Variants in SLC30A7 observed in about 807,000 individuals in gnomAD.
SLC30A7 encodes the protein solute carrier family 30 member 7.
In SLC30A7, 35 loss-of-function variants were observed where a neutral mutation model predicts 46.0. The ratio of observed to expected loss-of-function variants is 0.76; its 90% CI spans 0.58 to 1.01. The LOEUF is 1.01. SLC30A7 is among the 50% of genes least tolerant of loss of function. The pLI is 0.00. For synonymous variants in SLC30A7, 147 were observed against 157.8 expected, an observed-to-expected ratio of 0.93 and a Z score of 0.51; for missense variants, 464 against 451.1, an observed-to-expected ratio of 1.03 and a Z score of -0.26.
At chr1:100,966,003 A>G (rs1425931009) in intron 10 of SLC30A7, 85 bp downstream of exon 10, 4 of 1,210,246 alleles carry the variant, frequency 3.3e-6, no homozygotes, top group Admixed American at 2.3e-5. Flanking sequence ...GGCCAATGTG[A>G]GAGGATGGCT....
rs1656724553 is a variant in SLC30A7 at position 100,978,775 on chromosome 1, A to G, written c.*3918A>G. On this transcript the variant is annotated 3_prime_UTR_variant, in exon 11 of 11. Coordinates refer to ENST00000357650, the MANE Select transcript of SLC30A7 (RefSeq NM_133496.5). ...TTTATTGTCTCATTTTTCGTATATAATTATTTCCATCATATTCTTTATGGA... is the reference window on the plus strand; with the variant it reads ...TTTATTGTCTCATTTTTCGTATATAGTTATTTCCATCATATTCTTTATGGA... 1 of 152,170 alleles carries G rather than the reference A, an allele frequency of 6.6e-6. No homozygotes were observed. The highest frequency in any genetic ancestry group is 2.1e-4 in the South Asian group (1 of 4,832). 9.4% of individuals were successfully genotyped at this position (152,170 alleles called of 1,614,324 possible).
intron 5 of SLC30A7, among the ~76,000 whole-genome samples, chr1:100,912,592 G>A (rs1376608923): frequency 1.3e-5 from 2 of 152,134 alleles, no homozygotes; most frequent in African/African-American, 4.8e-5. Context: ...GGGAGGCCAA[G>A]GCAGATGGAT....
intron 10 of SLC30A7, chr1:100,972,620 G>C (rs1410074944): frequency 6.6e-6 from 1 of 151,962 alleles, no homozygotes. Context: ...CAATGTTGTT[G>C]AAAAATAAAA....
chr1:100,936,593 A>G (rs1284189818), intron 8 of SLC30A7, among the ~76,000 whole-genome samples: 2 of 152,220 alleles, frequency 1.3e-5, no homozygotes, highest in East Asian at 1.9e-4. Flanking sequence ...TGTGATAAGC[A>G]TAATATAAAA....
chr1:100,898,760 A>G lies in SLC30A7; in HGVS notation c.182+2089A>G, dbSNP rs372139488. On this transcript the variant is annotated intron_variant, in intron 2 of 10. Transcript: ENST00000357650. ...TCAATAATTTCTTTATATGACCAGA[A>G]GATTATCTGTGTTCCTGTAGGTTAT... Among the ~76,000 whole-genome samples, 10 of 152,312 alleles carry G rather than the reference A, an allele frequency of 6.6e-5. 1 individual carries two copies. Among genetic ancestry groups the G allele is most frequent in the South Asian group, 2.1e-4 (1 of 4,828 alleles).
chr1:100,991,064 C>T, the SLC30A7 span, among the ~76,000 whole-genome samples: 12 of 152,274 alleles, frequency 7.9e-5, no homozygotes, highest in South Asian at 2.1e-3. Context: ...GAGTTTCTGC[C>T]TTGCCATCCA....
Position 100,896,218 on chromosome 1 carries a change from C to T in SLC30A7, c.-45C>T. 6.3e-7 allele frequency: 1 copy of T among 1,576,878 alleles called. No homozygotes were observed. Among genetic ancestry groups the T allele is most frequent in the Non-Finnish European group, 8.7e-7 (1 of 1,146,204 alleles). ...TGTCACTGCCATCACCCCACGGAGC[C>T]ACTTCTAGAGGGGAGTAGACCCGGC... is the stretch of plus-strand genomic sequence containing the variant. On this transcript the variant is annotated 5_prime_UTR_variant, in exon 1 of 11. Coordinates refer to ENST00000357650, the MANE Select transcript of SLC30A7 (RefSeq NM_133496.5).
chr1:100,912,508 C>A (rs1404403133), intron 5 of SLC30A7, among the ~76,000 whole-genome samples: 2 of 152,004 alleles, frequency 1.3e-5, no homozygotes, highest in East Asian at 3.8e-4. Flanking sequence ...CAGAAAACCA[C>A]AAAACAAATC....
At chr1:100,967,908 A>G (rs1471004340) in intron 10 of SLC30A7, among the ~76,000 whole-genome samples, 1 of 152,190 alleles carries the variant, frequency 6.6e-6, no homozygotes, top group African/African-American at 2.4e-5. Flanking sequence ...ATTTAATTGT[A>G]TGGGTGGTTA....
intron 8 of SLC30A7, among the ~76,000 whole-genome samples, chr1:100,946,271 C>T (rs1372826360): frequency 6.6e-6 from 1 of 152,050 alleles, no homozygotes; most frequent in Non-Finnish European, 1.5e-5. Context: ...AATTGAATAC[C>T]GTTTCTTTCT....
At chr1:100,951,819 C>A (rs939379911) in intron 8 of SLC30A7, among the ~76,000 whole-genome samples, 5 of 152,178 alleles carry the variant, frequency 3.3e-5, no homozygotes, top group Non-Finnish European at 7.3e-5. Context: ...ATGGCCAAGT[C>A]CTAATCCCTG....
chr1:100,897,282 TG>T (rs1161882293), intron 2 of SLC30A7, among the ~76,000 whole-genome samples: 1 of 152,208 alleles, frequency 6.6e-6, no homozygotes, highest in Non-Finnish European at 1.5e-5. Flanking sequence ...TGAGGGTTTT[TG>T]TTTTTTTTGA....
chr1:100,984,491 TC>T (rs976750202), downstream of SLC30A7, among the ~76,000 whole-genome samples: 27 of 152,250 alleles, frequency 1.8e-4, no homozygotes, highest in African/African-American at 6.5e-4. Flanking sequence ...GCCTTGAGAA[TC>T]TTGAGAACTA....
At chr1:100,959,361 C>A (rs1655413665) in intron 8 of SLC30A7, among the ~76,000 whole-genome samples, 1 of 152,164 alleles carries the variant, frequency 6.6e-6, no homozygotes, top group Non-Finnish European at 1.5e-5. Context: ...AAATAATACA[C>A]ATTATTATCT....
intron 8 of SLC30A7, among the ~76,000 whole-genome samples, chr1:100,924,508 C>T (rs575490686): frequency 1.3e-5 from 2 of 152,198 alleles, no homozygotes; most frequent in Admixed American, 6.5e-5. Flanking sequence ...TCCTGATTCT[C>T]TACCTCCCAG....
At chr1:100,898,225 A>G (rs1353379831) in intron 2 of SLC30A7, among the ~76,000 whole-genome samples, 1 of 152,184 alleles carries the variant, frequency 6.6e-6, no homozygotes, top group Non-Finnish European at 1.5e-5. Context: ...TTTCCATTAC[A>G]TAAGTCACTC....
At chr1:100,964,516 C>T (rs1034590046) in intron 9 of SLC30A7, among the ~76,000 whole-genome samples, 2 of 151,870 alleles carry the variant, frequency 1.3e-5, no homozygotes, top group East Asian at 1.9e-4. Flanking sequence ...CAAATGCTAG[C>T]GGCTGAATCA....
chr1:100,966,551 A>C (rs1043936961), intron 10 of SLC30A7, among the ~76,000 whole-genome samples: 2 of 152,080 alleles, frequency 1.3e-5, no homozygotes, highest in African/African-American at 4.8e-5. Context: ...CGGCCACTGC[A>C]CTCCAGCCTG....
chr1:100,961,797 T>G (rs1570586871), intron 8 of SLC30A7, 31 bp from the exon 9 acceptor site: 1 of 1,401,632 alleles, frequency 7.1e-7, no homozygotes. Flanking sequence ...AGAATGTGAC[T>G]TTAATAAATT....
Sources: allele counts gnomAD v4.1 joint callset (sites outside exome capture counted in the v4.1 genomes callset), GRCh38; gene constraint gnomAD v4.1.1; transcripts MANE v1.5; gene names NCBI Gene and HGNC (gene_info 2026-07-23, HGNC 2026-07-21).